Variants in CUEDC1 observed in about 807,000 individuals in gnomAD.
CUEDC1 encodes CUE domain-containing protein 1.
In CUEDC1, 30 loss-of-function variants were observed where a neutral mutation model predicts 43.7. The ratio of observed to expected loss-of-function variants is 0.69; its 90% CI spans 0.51 to 0.93. The LOEUF (loss-of-function observed/expected upper bound fraction) is 0.93. CUEDC1 is among the 40% of genes least tolerant of loss of function. The pLI, the probability that CUEDC1 is intolerant of heterozygous loss-of-function variation, is 0.00. For missense variants in CUEDC1, 486 were observed against 549.0 expected, an observed-to-expected ratio of 0.89 and a Z score of 1.15; for synonymous variants, 223 against 223.6, an observed-to-expected ratio of 1.00 and a Z score of 0.02.
chr17:57,927,902 G>A (rs1288627007), intron 1 of CUEDC1, among the ~76,000 whole-genome samples: 2 of 152,180 alleles, frequency 1.3e-5, no homozygotes, highest in Admixed American at 1.3e-4. Context: ...TATAGATGGG[G>A]AAACTGAGGC....
chr17:57,865,131 C>G (rs997130188), intron 10 of CUEDC1, among the ~76,000 whole-genome samples: 1 of 152,156 alleles, frequency 6.6e-6, no homozygotes. Flanking sequence ...GGACAGGACC[C>G]GTTCTCCCTG....
chr17:57,885,445 G>T lies in CUEDC1; in HGVS notation c.120C>A (p.Arg40=). 2.5e-6 allele frequency: 4 copies of T among 1,598,894 alleles called. No individual in the cohort carries two copies. The highest frequency in any genetic ancestry group is 3.4e-6 in the Non-Finnish European group (4 of 1,174,628). Residue 40 remains arginine (R), a synonymous_variant, in exon 2 of 11, where the codon CGC becomes CGA. Transcript: ENST00000577830. ...GGTTGAACTCCAGGCGGCGCACCTGGCGGGCAGGCCGGCTGTTGTTGAGCT... is the reference window on the plus strand; with the variant it reads ...GGTTGAACTCCAGGCGGCGCACCTGTCGGGCAGGCCGGCTGTTGTTGAGCT... The part of the protein sequence containing the change: ...PQELNNSRPA[R]QVRRLEFNQA...
chr17:57,874,475 C>A (rs1284419024), intron 3 of CUEDC1, among the ~76,000 whole-genome samples: 2 of 152,226 alleles, frequency 1.3e-5, no homozygotes, highest in East Asian at 3.8e-4. Context: ...GTGGCAGGAG[C>A]TCTGTGCCAT....
chr17:57,875,613 G>A (rs956974958), intron 3 of CUEDC1, among the ~76,000 whole-genome samples: 26 of 152,114 alleles, frequency 1.7e-4, no homozygotes, highest in African/African-American at 2.4e-5. Context: ...TAATTTTAAC[G>A]GAAAAACAGC....
At chr17:57,920,131 T>C (rs80007151) in intron 1 of CUEDC1, among the ~76,000 whole-genome samples, 51 of 152,318 alleles carry the variant, frequency 3.3e-4, no homozygotes, top group South Asian at 6.2e-4. Context: ...AAGGGCCCAG[T>C]AGGTCTTTTT....
chr17:57,893,179 A>G (rs1367937835), intron 1 of CUEDC1, among the ~76,000 whole-genome samples: 1 of 152,220 alleles, frequency 6.6e-6, no homozygotes, highest in African/African-American at 2.4e-5. Context: ...TCAAGTGTGT[A>G]ATGGCAGAGG....
chr17:57,886,355 C>T (rs2074290258), intron 1 of CUEDC1, among the ~76,000 whole-genome samples: 1 of 152,208 alleles, frequency 6.6e-6, no homozygotes, highest in Non-Finnish European at 1.5e-5. Context: ...GATCTCTAGT[C>T]CCTGTTCTCA....
chr17:57,867,732 G>T, intron 8 of CUEDC1: 1 of 500,282 alleles, frequency 2.0e-6, no homozygotes, highest in African/African-American at 1.9e-5. Context: ...ATAAAAAGGT[G>T]GAAAGCCGTA....
In CUEDC1 at chr17:57,877,884, C is replaced by CAAA. The variant is rs59469013; in HGVS notation, c.464+1724_464+1726dup. 2.8e-3 allele frequency among the ~76,000 whole-genome samples: 250 copies of CAAA among 89,508 alleles called. 2 individuals carry two copies. Among genetic ancestry groups the CAAA allele is most frequent in the African/African-American group, 9.3e-3 (226 of 24,266 alleles). 58.7% of individuals were successfully genotyped at this position (89,508 alleles called of 152,430 possible). A position where few individuals can be genotyped will look rare whatever the true frequency, so the allele number is the denominator to read the frequency against. ...TGGATGACAGAGTGAGACTCCGACT[C>CAAA]AAAAAAAAAAAAAAAAAAAGTCAAA... On this transcript the variant is annotated intron_variant, in intron 3 of 10. Coordinates refer to ENST00000577830, the MANE Select transcript of CUEDC1 (RefSeq NM_001271875.2).
chr17:57,953,835 G>A (rs1208262867), intron 1 of CUEDC1, among the ~76,000 whole-genome samples: 1 of 152,132 alleles, frequency 6.6e-6, no homozygotes, highest in Non-Finnish European at 1.5e-5. Context: ...CCTTGTCCTG[G>A]CCCTTCCAGC....
chr17:57,919,825 G>A (rs925255603), intron 1 of CUEDC1, among the ~76,000 whole-genome samples: 4 of 150,646 alleles, frequency 2.7e-5, no homozygotes, highest in Non-Finnish European at 5.9e-5. Flanking sequence ...TCCTGATGAC[G>A]AGGAGGACAT....
rs535017571 is a variant in CUEDC1 at position 57,898,860 on chromosome 17, C to T, written c.-315-12981G>A. Among the ~76,000 whole-genome samples, 4 of 152,310 alleles carry T rather than the reference C, an allele frequency of 2.6e-5. 1 individual carries two copies. Among genetic ancestry groups the T allele is most frequent in the Non-Finnish European group, 5.9e-5 (4 of 68,012 alleles). ...CCCTGTGCCCATTCCTGCCCATACC[C>T]TGCCCTCCAGCTAAGCTTCCAAGGG... On this transcript the variant is annotated intron_variant, in intron 1 of 10. Transcript: ENST00000577830.
chr17:57,866,367 T>C, intron 10 of CUEDC1, 107 bp downstream of exon 10: 3 of 967,940 alleles, frequency 3.1e-6, no homozygotes, highest in Admixed American at 2.1e-5. Context: ...TGCTACCCAG[T>C]TGCCTGAGCC....
chr17:57,887,828 A>G (rs1378195716), intron 1 of CUEDC1, among the ~76,000 whole-genome samples: 1 of 146,434 alleles, frequency 6.8e-6, no homozygotes, highest in East Asian at 2.0e-4. Flanking sequence ...GAGTACATCA[A>G]CCCCTGAGAA....
chr17:57,910,469 T>C (rs1372229722), intron 1 of CUEDC1, among the ~76,000 whole-genome samples: 1 of 151,778 alleles, frequency 6.6e-6, no homozygotes, highest in African/African-American at 2.4e-5. Flanking sequence ...ATCAAAAATA[T>C]ATATGCCTAG....
At chr17:57,893,797 G>A (rs928778531) in intron 1 of CUEDC1, among the ~76,000 whole-genome samples, 3 of 152,190 alleles carry the variant, frequency 2.0e-5, no homozygotes, top group African/African-American at 4.8e-5. Context: ...TTCTACATCT[G>A]TAAAACACGA....
chr17:57,921,758 C>T (rs1310484582), intron 1 of CUEDC1, among the ~76,000 whole-genome samples: 1 of 152,162 alleles, frequency 6.6e-6, no homozygotes, highest in African/African-American at 2.4e-5. Flanking sequence ...GAGCAAAAGA[C>T]CTGGGGTCTG....
At position 57,873,658 on chromosome 17, in the gene CUEDC1, G is replaced by A. The variant is rs1461675665; in HGVS notation, c.524C>T (p.Pro175Leu). Residue 175 changes from proline (P) to leucine (L), a missense_variant, in exon 4 of 11, where the codon CCA (proline) becomes CTA (leucine). By Grantham distance (98) the Pro-to-Leu change is moderately conservative. Transcript: ENST00000577830. ...TSQRRYRNWN[P>L]PLLGNLPDDF... ...ATCCGGAAGGTTGCCCAGCAGTGGT[G>A]GGTTCCAGTTCCGATAGCGTCTCTG... 2 of 1,605,842 alleles carry A rather than the reference G, an allele frequency of 1.2e-6. No individual in the cohort carries two copies. The highest frequency in any genetic ancestry group is 1.7e-6 in the Non-Finnish European group (2 of 1,176,050).
At chr17:57,871,443 G>A (rs979558239) in intron 5 of CUEDC1, 74 bp from the exon 6 acceptor site, 22 of 1,278,474 alleles carry the variant, frequency 1.7e-5, no homozygotes, top group East Asian at 1.2e-4. Flanking sequence ...GCTGGGACAC[G>A]GTAGTTTGCT....
Sources: gnomAD v4.1 joint callset for allele counts (sites outside exome capture counted in the v4.1 genomes callset) on GRCh38, gnomAD v4.1.1 for gene constraint, MANE v1.5 for transcripts, NCBI Gene and HGNC (gene_info 2026-07-23, HGNC 2026-07-21) for gene names.